Variants in CTDSPL observed in about 807,000 individuals in gnomAD.
CTDSPL encodes the protein CTD small phosphatase-like protein.
A neutral mutation model predicts 30.5 loss-of-function variants in CTDSPL; 8 were observed. The observed-to-expected ratio is 0.26, with a 90% CI of 0.15 to 0.47. The LOEUF (loss-of-function observed/expected upper bound fraction) is 0.47, where lower values mean the gene tolerates loss of function less well. Ranked by LOEUF, CTDSPL falls within the 20% of genes least tolerant of loss-of-function variation. CTDSPL has a pLI of 0.99. For synonymous variants in CTDSPL, 110 were observed against 137.9 expected (o/e 0.80, Z 1.42); for missense variants, 248 against 366.1 (o/e 0.68, Z 2.63).
In CTDSPL at chr3:37,980,931, G is replaced by C. The variant is rs1699484865; in HGVS notation, c.*64G>C. The C allele has an allele frequency of 6.4e-7, 1 of 1,554,100 alleles. No individual in the cohort carries two copies. The highest frequency in any genetic ancestry group is 1.2e-5 in the South Asian group (1 of 85,594). ...ACCTCTGGCCTCAGGGGACCTGCCT[G>C]TCCTCAGCTCCCTGGGAGCTGAAAG... On this transcript the variant is annotated 3_prime_UTR_variant, in exon 8 of 8. Transcript: ENST00000273179.
chr3:37,891,831 G>T (rs752161654), intron 1 of CTDSPL, among the ~76,000 whole-genome samples: 1 of 152,094 alleles, frequency 6.6e-6, no homozygotes, highest in African/African-American at 2.4e-5. Flanking sequence ...AATAAGGATG[G>T]TGTACGTGTA....
At chr3:37,977,046 A>G (rs1457583696) in intron 7 of CTDSPL, among the ~76,000 whole-genome samples, 1 of 152,224 alleles carries the variant, frequency 6.6e-6, no homozygotes, top group Non-Finnish European at 1.5e-5. Context: ...AAAAAATTCA[A>G]ACTCAATTAA....
At chr3:37,882,683 C>T (rs910260896) in intron 1 of CTDSPL, among the ~76,000 whole-genome samples, 3 of 152,260 alleles carry the variant, frequency 2.0e-5, no homozygotes, top group African/African-American at 7.2e-5. Context: ...AAAAATATTA[C>T]TGCCTTCACA....
chr3:37,933,984 AGTTT>A (rs1457720138), intron 1 of CTDSPL, among the ~76,000 whole-genome samples: 1 of 152,216 alleles, frequency 6.6e-6, no homozygotes, highest in Non-Finnish European at 1.5e-5. Flanking sequence ...GTCCAAAGTT[AGTTT>A]AATTATGGCA....
chr3:37,871,579 A>G (rs982603006), intron 1 of CTDSPL, among the ~76,000 whole-genome samples: 1 of 152,222 alleles, frequency 6.6e-6, no homozygotes, highest in Non-Finnish European at 1.5e-5. Flanking sequence ...TCAGAAGTTT[A>G]GTTATGATAT....
chr3:37,928,135 T>C (rs998758048), intron 1 of CTDSPL, among the ~76,000 whole-genome samples: 1 of 152,194 alleles, frequency 6.6e-6, no homozygotes, highest in African/African-American at 2.4e-5. Context: ...TCTTTATCCA[T>C]TCATCCGTTA....
chr3:37,892,554 C>CA (rs1423550497), intron 1 of CTDSPL, among the ~76,000 whole-genome samples: 1 of 151,656 alleles, frequency 6.6e-6, no homozygotes, highest in Non-Finnish European at 1.5e-5. Context: ...TACCTCTCAT[C>CA]AATATGACAA....
intron 1 of CTDSPL, among the ~76,000 whole-genome samples, chr3:37,866,306 G>A (rs1193476503): frequency 6.6e-6 from 1 of 151,890 alleles, no homozygotes; most frequent in African/African-American, 2.4e-5. Flanking sequence ...AAACAGTATG[G>A]TTCCTACCTT....
At chr3:37,951,767 T>G (rs919480986) in intron 2 of CTDSPL, among the ~76,000 whole-genome samples, 2 of 151,972 alleles carry the variant, frequency 1.3e-5, no homozygotes, top group Admixed American at 6.6e-5. Context: ...AAATAGATCT[T>G]TAAAATTCAC....
rs1466599993 is a variant in CTDSPL, at chr3:37,933,355, G to C, written c.80-13702G>C. Among the ~76,000 whole-genome samples, 7 of 152,004 alleles carry C rather than the reference G, an allele frequency of 4.6e-5. No individual in the cohort carries two copies. The South Asian group carries it at 8.3e-4, about 18-fold the overall frequency. The stretch of plus-strand genomic sequence containing the variant: ...CTATTTTCCCGATTTCTCTCCCAGG[G>C]GACAACCAGTTAGTTATAAATATTT... On this transcript the variant is annotated intron_variant, in intron 1 of 7. Coordinates refer to ENST00000273179, the MANE Select transcript of CTDSPL (RefSeq NM_001008392.2).
intron 1 of CTDSPL, among the ~76,000 whole-genome samples, chr3:37,891,911 T>TGTACAC (rs1389696975): frequency 1.4e-5 from 2 of 138,576 alleles, no homozygotes; most frequent in African/African-American, 5.3e-5. Context: ...TGTACACACA[T>TGTACAC]ATATATGTGC....
intron 1 of CTDSPL, among the ~76,000 whole-genome samples, chr3:37,874,152 A>G (rs1210618753): frequency 6.6e-6 from 1 of 152,192 alleles, no homozygotes; most frequent in East Asian, 1.9e-4. Flanking sequence ...AGTCTGGGCT[A>G]CCCTGAAAGT....
chr3:37,883,122 G>A (rs563581157), intron 1 of CTDSPL, among the ~76,000 whole-genome samples: 1 of 152,332 alleles, frequency 6.6e-6, no homozygotes, highest in South Asian at 2.1e-4. Flanking sequence ...TTTATACAAA[G>A]CAAAGTGAAA....
At chr3:37,869,461 C>T (rs1698049037) in intron 1 of CTDSPL, among the ~76,000 whole-genome samples, 1 of 152,048 alleles carries the variant, frequency 6.6e-6, no homozygotes, top group Non-Finnish European at 1.5e-5. Context: ...GAATACTTAT[C>T]TTGTATCCTA....
chr3:37,916,689 C>T (rs1041318641), intron 1 of CTDSPL, among the ~76,000 whole-genome samples: 7 of 152,174 alleles, frequency 4.6e-5, no homozygotes, highest in Non-Finnish European at 1.0e-4. Flanking sequence ...CACTTCCAGC[C>T]TTCAGAATTG....
In CTDSPL at chr3:37,975,366, A is replaced by G. The variant is rs1190652599; in HGVS notation, c.520-343A>G. ...ACAGCTTCTAGGTGAATGGGCTAGA[A>G]AGGAGGCCCCGTGGGAAAGACAGGT... On this transcript the variant is annotated intron_variant, in intron 6 of 7. Transcript: ENST00000273179. This position sits in a 1 kb window ranked among gnomAD's most constrained non-coding sequence, Gnocchi z 4.9. 6.6e-6 allele frequency among the ~76,000 whole-genome samples: 1 copy of G among 152,228 alleles called. No individual in the cohort carries two copies. Among genetic ancestry groups the G allele is most frequent in the African/African-American group, 2.4e-5 (1 of 41,466 alleles).
At chr3:37,948,144 CATG>C (rs1177001853) in intron 2 of CTDSPL, among the ~76,000 whole-genome samples, 9 of 152,244 alleles carry the variant, frequency 5.9e-5, no homozygotes, top group Middle Eastern at 6.8e-3. Context: ...ATTAGCCAGG[CATG>C]GTGGTGGGCA....
chr3:37,957,675 C>T (rs1699189383), intron 3 of CTDSPL, among the ~76,000 whole-genome samples: 1 of 152,200 alleles, frequency 6.6e-6, no homozygotes, highest in South Asian at 2.1e-4. Flanking sequence ...AGGACCCATC[C>T]CACAGGCCTG....
rs151005607 is a variant in CTDSPL at position 37,872,053 on chromosome 3, G to A, written c.79+9775G>A. ...CCAGGCTAGAGCGGAGTGCAGTGGT[G>A]TGATCATGGCTCACTGCAGCCTCAA... On this transcript the variant is annotated intron_variant, in intron 1 of 7. Coordinates refer to ENST00000273179, the MANE Select transcript of CTDSPL (RefSeq NM_001008392.2). Among the ~76,000 whole-genome samples the A allele has an allele frequency of 6.6e-5, 10 of 152,232 alleles. No homozygotes were observed. In the East Asian group the frequency reaches 1.9e-3, roughly 29 times the overall value.
Sources: allele counts gnomAD v4.1 joint callset (sites outside exome capture counted in the v4.1 genomes callset), GRCh38; gene constraint gnomAD v4.1.1; non-coding constraint Gnocchi (gnomAD v3.1); transcripts MANE v1.5; gene names NCBI Gene and HGNC (gene_info 2026-07-23, HGNC 2026-07-21).